Variants in SKIC3 observed in about 807,000 individuals in gnomAD.
The protein encoded by SKIC3 is SKI3 subunit of superkiller complex, also known as superkiller complex protein 3.
the SKIC3 span, among the ~76,000 whole-genome samples, chr5:95,472,743 T>G: frequency 3.9e-5 from 6 of 152,150 alleles, no homozygotes; most frequent in African/African-American, 1.4e-4. Context: ...ACAGGTAGTT[T>G]ATCAATCCCT....
the SKIC3 span, chr5:95,530,158 G>C: frequency 6.2e-7 from 1 of 1,613,514 alleles, no homozygotes; most frequent in South Asian, 1.1e-5. Context: ...AAGCCAATGA[G>C]GCCTGGACCA....
chr5:95,537,028 A>C, the SKIC3 span: 3 of 1,611,434 alleles, frequency 1.9e-6, no homozygotes, highest in African/African-American at 2.7e-5. Flanking sequence ...TTAGAGATTT[A>C]AAAAATCAAC....
chr5:95,543,344 T>C, the SKIC3 span: 1 of 1,613,186 alleles, frequency 6.2e-7, no homozygotes, highest in Non-Finnish European at 8.5e-7. Flanking sequence ...TAAAAAAAAT[T>C]AAAAGAGTAG....
the SKIC3 span, among the ~76,000 whole-genome samples, chr5:95,485,415 C>T: frequency 6.6e-6 from 1 of 152,312 alleles, no homozygotes; most frequent in African/African-American, 2.4e-5. Context: ...GCATCTTTCA[C>T]AGGTGCTAAT....
At chr5:95,494,893 T>C in the SKIC3 span, 10 of 1,595,788 alleles carry the variant, frequency 6.3e-6, no homozygotes, top group African/African-American at 8.1e-5. Context: ...CCTAAGACTA[T>C]GAAAACTATT....
chr5:95,514,701 T>C, the SKIC3 span, among the ~76,000 whole-genome samples: 1 of 152,190 alleles, frequency 6.6e-6, no homozygotes, highest in Non-Finnish European at 1.5e-5. Flanking sequence ...GATTGATAGA[T>C]TAACTGAAAT....
At chr5:95,544,638 C>T in the SKIC3 span, among the ~76,000 whole-genome samples, 34,868 of 152,046 alleles carry the variant, frequency 0.23, 5,033 homozygotes, top group African/African-American at 0.4. Context: ...ACACTGGGGC[C>T]TTATTAATGC....
At chr5:95,470,625 T>C in the SKIC3 span, among the ~76,000 whole-genome samples, 2 of 152,042 alleles carry the variant, frequency 1.3e-5, no homozygotes, top group African/African-American at 4.8e-5. Context: ...AAGGCTGAAA[T>C]AAAGTATTTT....
chr5:95,516,425 T>C, the SKIC3 span: 2 of 1,612,016 alleles, frequency 1.2e-6, no homozygotes, highest in African/African-American at 2.7e-5. Flanking sequence ...AAACATAACA[T>C]TTTTTTTCTT....
the SKIC3 span, chr5:95,484,879 T>A: frequency 2.5e-6 from 4 of 1,608,814 alleles, no homozygotes; most frequent in East Asian, 8.9e-5. Context: ...TACTTTCTTC[T>A]GCAATTTATA....
chr5:95,518,012 C>A, the SKIC3 span, among the ~76,000 whole-genome samples: 1 of 152,032 alleles, frequency 6.6e-6, no homozygotes, highest in East Asian at 1.9e-4. Context: ...AAGATGCCAG[C>A]ACCATGCTCC....
At chr5:95,550,384 G>A in the SKIC3 span, among the ~76,000 whole-genome samples, 3 of 150,066 alleles carry the variant, frequency 2.0e-5, no homozygotes, top group Middle Eastern at 3.4e-3. Flanking sequence ...TAATGACAAC[G>A]GAAGCTAATT....
At chr5:95,469,726 G>T in the SKIC3 span, 1 of 1,608,490 alleles carries the variant, frequency 6.2e-7, no homozygotes, top group Non-Finnish European at 8.5e-7. Flanking sequence ...TTATTTCCTA[G>T]AAAGATTTAA....
At chr5:95,524,229 A>C in the SKIC3 span, among the ~76,000 whole-genome samples, 1 of 152,198 alleles carries the variant, frequency 6.6e-6, no homozygotes, top group African/African-American at 2.4e-5. Context: ...ATTGTTTACA[A>C]GAGATAATTA....
At chr5:95,523,477 G>T in the SKIC3 span, 4 of 1,165,806 alleles carry the variant, frequency 3.4e-6, no homozygotes, top group African/African-American at 6.3e-5. Context: ...AACAATAAGT[G>T]GTTAGTAATT....
At chr5:95,549,838 T>TA in the SKIC3 span, among the ~76,000 whole-genome samples, 1 of 151,928 alleles carries the variant, frequency 6.6e-6, no homozygotes, top group African/African-American at 2.4e-5. Context: ...ATCTACTAGG[T>TA]ACCACTTAAA....
chr5:95,539,603 G>T, the SKIC3 span, among the ~76,000 whole-genome samples: 52 of 152,252 alleles, frequency 3.4e-4, no homozygotes, highest in African/African-American at 1.1e-3. Context: ...CAACACTTTG[G>T]GGGGCTGAAG....
chr5:95,541,809 T>C, the SKIC3 span: 1 of 1,596,420 alleles, frequency 6.3e-7, no homozygotes, highest in South Asian at 1.1e-5. Context: ...CTCATACATT[T>C]CTTACCTCTC....
At chr5:95,496,429 A>T in the SKIC3 span, among the ~76,000 whole-genome samples, 1 of 152,184 alleles carries the variant, frequency 6.6e-6, no homozygotes, top group African/African-American at 2.4e-5. Context: ...CTACATCAGA[A>T]TAAGCTGAGA....
Sources: allele counts gnomAD v4.1 joint callset (sites outside exome capture counted in the v4.1 genomes callset), GRCh38; gene constraint gnomAD v4.1.1; transcripts MANE v1.5; gene names NCBI Gene and HGNC (gene_info 2026-07-23, HGNC 2026-07-21).